Variants in MYT1L observed in about 807,000 individuals in gnomAD.
The protein encoded by MYT1L is myelin transcription factor 1 like, also known as myelin transcription factor 1-like protein.
A neutral mutation model predicts 126.7 loss-of-function variants in MYT1L; 12 were observed. The observed-to-expected ratio is 0.09, with a 90% CI of 0.06 to 0.15. The LOEUF (loss-of-function observed/expected upper bound fraction) is 0.15, where lower values mean the gene tolerates loss of function less well. Among genes scored for constraint, MYT1L ranks in the 10% least tolerant of loss-of-function variants. The probability of loss-of-function intolerance (pLI) is 1.00; values close to 1 mark genes in which losing one functional copy is unlikely to be tolerated. For missense variants in MYT1L, 979 were observed against 1,585.2 expected (o/e 0.62, Z 6.49); for synonymous variants, 541 against 604.2 (o/e 0.90, Z 1.53).
chr2:1,796,472 GC>G (rs771241368), intron 23 of MYT1L, among the ~76,000 whole-genome samples: 17 of 152,178 alleles, frequency 1.1e-4, no homozygotes, highest in Non-Finnish European at 2.2e-4. Context: ...TGAAAGTGGT[GC>G]AGGCTGTGGG....
chr2:2,170,111 G>A (rs184400745), intron 3 of MYT1L, among the ~76,000 whole-genome samples: 1 of 152,330 alleles, frequency 6.6e-6, no homozygotes, highest in Admixed American at 6.5e-5. Context: ...TCACGTATCA[G>A]CAAAGGGCTT....
intron 21 of MYT1L, among the ~76,000 whole-genome samples, chr2:1,818,585 A>G (rs1195096931): frequency 1.3e-5 from 2 of 152,226 alleles, no homozygotes; most frequent in East Asian, 3.9e-4. Flanking sequence ...CTCAATAAGC[A>G]AACAGGGATT....
chr2:2,173,874 A>T (rs944661669), intron 2 of MYT1L, among the ~76,000 whole-genome samples: 8 of 152,236 alleles, frequency 5.3e-5, no homozygotes, highest in African/African-American at 1.9e-4. Flanking sequence ...CAGCAGCATT[A>T]CCATAAATCC....
chr2:2,014,196 G>GTTTT (rs542058607), intron 4 of MYT1L, among the ~76,000 whole-genome samples: 4,471 of 137,078 alleles, frequency 0.033, 121 homozygotes, highest in Non-Finnish European at 0.051. Flanking sequence ...CAGGAATCCT[G>GTTTT]TTTTTTTTTT....
chr2:1,870,595 C>T (rs1231103462), intron 18 of MYT1L, among the ~76,000 whole-genome samples: 2 of 152,132 alleles, frequency 1.3e-5, no homozygotes, highest in African/African-American at 4.8e-5. Flanking sequence ...TCCTCTTCTC[C>T]TGTAGACAAG....
At chr2:1,823,628 A>G (rs2038880134) in intron 21 of MYT1L, among the ~76,000 whole-genome samples, 1 of 150,342 alleles carries the variant, frequency 6.7e-6, no homozygotes, top group Admixed American at 6.6e-5. Context: ...TCAGCCCTGC[A>G]GGTGGGTCGT....
intron 21 of MYT1L, among the ~76,000 whole-genome samples, chr2:1,820,443 G>A (rs1030355500): frequency 6.6e-6 from 1 of 152,174 alleles, no homozygotes; most frequent in Non-Finnish European, 1.5e-5. Flanking sequence ...ATGTCAACAT[G>A]GAGAGGACAC....
At chr2:1,839,419 T>C in intron 20 of MYT1L, 49 bp from the exon 21 acceptor site, 1 of 1,515,520 alleles carries the variant, frequency 6.6e-7, no homozygotes, top group Non-Finnish European at 9.1e-7. Flanking sequence ...CACCGTCGCC[T>C]GGTGGCTTCT....
chr2:2,136,681 T>C (rs1031620800), intron 3 of MYT1L, among the ~76,000 whole-genome samples: 6 of 152,204 alleles, frequency 3.9e-5, no homozygotes, highest in African/African-American at 1.4e-4. Context: ...ATTTTCTTTC[T>C]TGTCTTCAAA....
intron 3 of MYT1L, among the ~76,000 whole-genome samples, chr2:2,055,406 A>C (rs1183366125): frequency 1.3e-5 from 2 of 152,254 alleles, no homozygotes; most frequent in Non-Finnish European, 2.9e-5. Context: ...GTAATAATTT[A>C]AAATTTTTTA....
chr2:2,007,602 A>G (rs1217969210), intron 4 of MYT1L, among the ~76,000 whole-genome samples: 6 of 152,190 alleles, frequency 3.9e-5, no homozygotes, highest in African/African-American at 7.2e-5. Context: ...GGGAAAGGTA[A>G]CTTCTTGCAT....
chr2:1,870,884 T>C (rs1394390774), intron 18 of MYT1L, among the ~76,000 whole-genome samples: 1 of 152,200 alleles, frequency 6.6e-6, no homozygotes, highest in African/African-American at 2.4e-5. Context: ...CAGGTTGCAG[T>C]GTGTGGAGAC....
chr2:2,041,263 G>A (rs934728648), intron 4 of MYT1L, among the ~76,000 whole-genome samples: 2 of 152,106 alleles, frequency 1.3e-5, no homozygotes, highest in Admixed American at 6.6e-5. Context: ...TTGTGAAATC[G>A]CCACATTTGA....
chr2:2,045,166 G>C (rs919301336), intron 4 of MYT1L, among the ~76,000 whole-genome samples: 5 of 152,332 alleles, frequency 3.3e-5, no homozygotes, highest in African/African-American at 1.2e-4. Flanking sequence ...TCACCTTCCT[G>C]CATGTAAGAT....
intron 21 of MYT1L, chr2:1,816,875 G>A (rs1389027848): frequency 6.6e-6 from 1 of 152,430 alleles, no homozygotes; most frequent in Admixed American, 6.5e-5. Flanking sequence ...GTAGACGAGA[G>A]GACCCCGGGG....
At chr2:2,296,459 A>C (rs1375450480) in intron 1 of MYT1L, among the ~76,000 whole-genome samples, 1 of 152,236 alleles carries the variant, frequency 6.6e-6, no homozygotes, top group East Asian at 1.9e-4. Flanking sequence ...AAATATAAAC[A>C]AAAGCTTTGT....
intron 2 of MYT1L, among the ~76,000 whole-genome samples, chr2:2,219,908 C>G (rs1422731124): frequency 1.3e-5 from 2 of 152,074 alleles, no homozygotes; most frequent in African/African-American, 4.8e-5. Flanking sequence ...TGTTCAAGTG[C>G]TATTTCTTTA....
intron 3 of MYT1L, among the ~76,000 whole-genome samples, chr2:2,124,565 G>A (rs180848466): frequency 6.6e-6 from 1 of 152,222 alleles, no homozygotes; most frequent in Non-Finnish European, 1.5e-5. Context: ...CAAAGTGCTG[G>A]GATTACAGGT....
chr2:2,117,723 T>C (rs1181576979), intron 3 of MYT1L, among the ~76,000 whole-genome samples: 1 of 152,046 alleles, frequency 6.6e-6, no homozygotes, highest in Non-Finnish European at 1.5e-5. Context: ...GGTAGGATCA[T>C]CACAATAAAA....
Sources: gnomAD v4.1 joint callset for allele counts (sites outside exome capture counted in the v4.1 genomes callset) on GRCh38, gnomAD v4.1.1 for gene constraint, MANE v1.5 for transcripts, NCBI Gene and HGNC (gene_info 2026-07-23, HGNC 2026-07-21) for gene names.